DIP2A: variants seen among roughly 807,000 people sequenced by gnomAD.
DIP2A encodes DIP2 acetate--CoA ligase A.
DIP2A carries 85 observed loss-of-function variants against 177.4 expected under a neutral mutation model. The observed-to-expected ratio is 0.48, with a 90% CI of 0.40 to 0.57. The LOEUF (loss-of-function observed/expected upper bound fraction) is 0.57, where lower values mean the gene tolerates loss of function less well. Among genes scored for constraint, DIP2A ranks in the 20% least tolerant of loss-of-function variants. The pLI is 0.00. For missense variants in DIP2A, 1,791 were observed against 2,100.2 expected, an observed-to-expected ratio of 0.85 and a Z score of 2.88; for synonymous variants, 886 against 881.8, an observed-to-expected ratio of 1.00 and a Z score of -0.08.
chr21:46,558,636 CTG>C (rs1404250159), intron 32 of DIP2A: 6 of 545,612 alleles, frequency 1.1e-5, no homozygotes, highest in Non-Finnish European at 2.0e-5. Context: ...TGACTAATAA[CTG>C]TAAGACTCTC....
intron 3 of DIP2A, among the ~76,000 whole-genome samples, chr21:46,495,244 T>TTCTCTTCTCTTC (rs2057275285): frequency 2.6e-5 from 1 of 38,176 alleles, no homozygotes. Context: ...CTTCTCTTCT[T>TTCTCTTCTCTTC]TCTCTCTCTC....
Position 46,532,166 on chromosome 21 carries a change from A to G in DIP2A, c.1234A>G (p.Met412Val), listed in dbSNP as rs2059381852. 1.2e-6 allele frequency: 2 copies of G among 1,613,938 alleles called. No individual in the cohort carries two copies. Among genetic ancestry groups the G allele is most frequent in the Non-Finnish European group, 1.7e-6 (2 of 1,179,866 alleles). ...VFPNSDPVMF[M>V]VAFYGCLLAE... ...TCCGAATAGTGACCCTGTGATGTTC[A>G]TGGTTGCATTTTATGGGTGTCTCCT... The change falls in exon 10 of 38, where the codon ATG (methionine) becomes GTG (valine). Residue 412 changes from methionine (M) to valine (V), a missense_variant. Physicochemically the swap from Met to Val is conservative, Grantham distance 21 (BLOSUM62 1). Coordinates refer to ENST00000417564, the MANE Select transcript of DIP2A (RefSeq NM_015151.4).
chr21:46,557,524 G>C lies in DIP2A; in HGVS notation c.3630-61G>C. ...AAAGAAGTGTTCTTGAGGAAGGGAA[G>C]AGTGGAGTGCCCAGGGTGCTGGGTG... On this transcript the variant is annotated intron_variant, in intron 30 of 37. Transcript: ENST00000417564. The surrounding 1 kb of genome is among the most constrained non-coding windows in gnomAD (Gnocchi z 6.0). 2 of 1,540,638 alleles carry C rather than the reference G, an allele frequency of 1.3e-6. No individual in the cohort carries two copies. Among genetic ancestry groups the C allele is most frequent in the Non-Finnish European group, 1.8e-6 (2 of 1,135,416 alleles).
chr21:46,465,122 T>C (rs2054695566), intron 1 of DIP2A, among the ~76,000 whole-genome samples: 1 of 152,174 alleles, frequency 6.6e-6, no homozygotes, highest in South Asian at 2.1e-4. Flanking sequence ...GAACCTTCCT[T>C]GATCATCTCT....
chr21:46,521,743 C>T (rs569072054), intron 8 of DIP2A, among the ~76,000 whole-genome samples: 25 of 152,246 alleles, frequency 1.6e-4, no homozygotes, highest in African/African-American at 4.8e-4. Context: ...TGAATAATAC[C>T]CCTTTAACTT....
intron 8 of DIP2A, among the ~76,000 whole-genome samples, chr21:46,523,003 G>A (rs567776439): frequency 1.1e-4 from 17 of 151,940 alleles, no homozygotes; most frequent in African/African-American, 3.1e-4. Context: ...TCAGGTCACC[G>A]CAACCTCTGT....
intron 1 of DIP2A, among the ~76,000 whole-genome samples, chr21:46,460,589 T>G (rs540985501): frequency 1.7e-4 from 26 of 152,208 alleles, no homozygotes; most frequent in Non-Finnish European, 2.6e-4. Flanking sequence ...CTTGCCAACC[T>G]TAGGGAGGTA....
downstream of DIP2A, among the ~76,000 whole-genome samples, chr21:46,571,779 T>C (rs1300334331): frequency 6.6e-6 from 1 of 152,270 alleles, no homozygotes; most frequent in Non-Finnish European, 1.5e-5. Flanking sequence ...AAGTTGCTTA[T>C]CAGAGTAAGG....
Position 46,567,701 on chromosome 21 carries a change from C to T in DIP2A, c.*79C>T. 6.6e-7 allele frequency: 1 copy of T among 1,504,150 alleles called. No homozygotes were observed. Among genetic ancestry groups the T allele is most frequent in the Non-Finnish European group, 8.9e-7 (1 of 1,125,850 alleles). The allele number at this position is 1,504,150 out of a possible 1,614,324, so 93.2% of individuals were successfully genotyped here. On this transcript the variant is annotated 3_prime_UTR_variant, in exon 38 of 38. Transcript: ENST00000417564. ...TGTGATGTGGGAAGACACCGCAGAG[C>T]TCACTCACCGGGACTCGCCCTTCCT...
rs374771209 is a variant in DIP2A, at chr21:46,550,639, G to A, written c.2734G>A (p.Glu912Lys). ...TCCTCTCGGAGGGATTCACATTTCT[G>A]AAACCAAACAGCGCTTTCTGGAAGG... ...KAPLGGIHIS[E>K]TKQRFLEGTL... Residue 912 changes from glutamate (E) to lysine (K), a missense_variant, in exon 23 of 38, where the codon GAA (glutamate) becomes AAA (lysine). By Grantham distance (56) the Glu-to-Lys change is moderately conservative (BLOSUM62 1). Coordinates refer to ENST00000417564, the MANE Select transcript of DIP2A (RefSeq NM_015151.4). 44 of 1,613,840 alleles carry A rather than the reference G, an allele frequency of 2.7e-5. 1 individual carries two copies. In the Middle Eastern group the frequency reaches 1.6e-3, roughly 60 times the overall value.
chr21:46,509,927 C>T (rs533065970), intron 7 of DIP2A, among the ~76,000 whole-genome samples: 1 of 152,134 alleles, frequency 6.6e-6, no homozygotes, highest in Non-Finnish European at 1.5e-5. Context: ...TGCTGACAGC[C>T]GACCAGCCCA....
intron 2 of DIP2A, among the ~76,000 whole-genome samples, chr21:46,489,115 G>C (rs935327111): frequency 5.3e-5 from 8 of 152,174 alleles, no homozygotes; most frequent in African/African-American, 1.9e-4. Context: ...GTGTGGGTGT[G>C]TGTGTGGATG....
intron 8 of DIP2A, among the ~76,000 whole-genome samples, chr21:46,524,872 CTTTTTTTTTTT>C (rs3061062): frequency 3.2e-5 from 2 of 63,394 alleles, no homozygotes; most frequent in African/African-American, 6.9e-5. Flanking sequence ...TTGCTTTTTG[CTTTTTTTTTTT>C]TTTTTTTTTT....
chr21:46,461,225 G>C (rs2054271762), intron 1 of DIP2A, among the ~76,000 whole-genome samples: 1 of 132,432 alleles, frequency 7.6e-6, no homozygotes, highest in Admixed American at 8.4e-5. Flanking sequence ...CTGAGCACTG[G>C]AGCACTCCAG....
chr21:46,534,783 A>G, intron 13 of DIP2A, 96 bp downstream of exon 13: 1 of 1,061,120 alleles, frequency 9.4e-7, no homozygotes, highest in South Asian at 1.4e-5. Context: ...TGTCAAAACC[A>G]CCCCTGGGTA....
At chr21:46,500,196 C>T (rs898120783) in intron 5 of DIP2A, among the ~76,000 whole-genome samples, 2 of 152,178 alleles carry the variant, frequency 1.3e-5, no homozygotes, top group Non-Finnish European at 2.9e-5. Flanking sequence ...CTGAGGCGTC[C>T]GTCTCAGATG....
At chr21:46,471,991 C>G (rs2055427660) in intron 1 of DIP2A, among the ~76,000 whole-genome samples, 1 of 152,164 alleles carries the variant, frequency 6.6e-6, no homozygotes, top group African/African-American at 2.4e-5. Flanking sequence ...TAGTAAAGAA[C>G]CTTTAAATTA....
At chr21:46,544,448 G>A (rs1405306840) in intron 18 of DIP2A, among the ~76,000 whole-genome samples, 1 of 152,118 alleles carries the variant, frequency 6.6e-6, no homozygotes, top group African/African-American at 2.4e-5. Flanking sequence ...TCTCTGCACC[G>A]CAACCCTCCA....
At chr21:46,493,058 C>A (rs981975519) in intron 3 of DIP2A, among the ~76,000 whole-genome samples, 1 of 152,154 alleles carries the variant, frequency 6.6e-6, no homozygotes, top group East Asian at 1.9e-4. Context: ...CCTCACCGGA[C>A]ACCAACCATG....
Sources: allele counts gnomAD v4.1 joint callset (sites outside exome capture counted in the v4.1 genomes callset), GRCh38; gene constraint gnomAD v4.1.1; non-coding constraint Gnocchi (gnomAD v3.1); transcripts MANE v1.5; gene names NCBI Gene and HGNC (gene_info 2026-07-23, HGNC 2026-07-21).